The following IL1RAPL1 variants were observed in gnomAD, a reference collection of about 807,000 sequenced individuals.
IL1RAPL1 encodes the protein interleukin 1 receptor accessory protein like 1.
Under a neutral mutation model 48.4 loss-of-function variants are expected in IL1RAPL1, and 3 were observed. That is an observed-to-expected ratio of 0.06 (90% CI 0.03 to 0.16). The LOEUF (loss-of-function observed/expected upper bound fraction) is 0.16. Ranked by LOEUF, IL1RAPL1 falls within the 10% of genes least tolerant of loss-of-function variation. The pLI, the probability that IL1RAPL1 is intolerant of heterozygous loss-of-function variation, is 1.00. For synonymous variants in IL1RAPL1, 185 were observed against 187.7 expected, an observed-to-expected ratio of 0.99 and a Z score of 0.12; for missense variants, 349 against 530.6, an observed-to-expected ratio of 0.66 and a Z score of 3.36.
intron 7 of IL1RAPL1, among the ~76,000 whole-genome samples, chrX:29,918,884 C>T (rs760512539): frequency 2.7e-5 from 3 of 111,655 alleles, no homozygotes; most frequent in Non-Finnish European, 5.6e-5. Flanking sequence ...TATGCAAGAA[C>T]GTTAATAATA....
chrX:28,750,620 T>C (rs1273224323), intron 1 of IL1RAPL1, among the ~76,000 whole-genome samples: 1 of 112,088 alleles, frequency 8.9e-6, no homozygotes, highest in Non-Finnish European at 1.9e-5. Context: ...TGATACTGAA[T>C]GATGGAATGA....
At chrX:28,966,662 C>G (rs1172920608) in intron 2 of IL1RAPL1, among the ~76,000 whole-genome samples, 1 of 111,567 alleles carries the variant, frequency 9.0e-6, no homozygotes, top group Non-Finnish European at 1.9e-5. Context: ...CAAAAGTTAT[C>G]TTTATACAGC....
At chrX:29,675,935 A>G (rs992472522) in intron 6 of IL1RAPL1, among the ~76,000 whole-genome samples, 10 of 112,546 alleles carry the variant, frequency 8.9e-5, no homozygotes, top group African/African-American at 3.2e-4. Flanking sequence ...CAAAATGGCT[A>G]CATGTTTTTT....
chrX:29,505,138 TTTTAGCTACATCCCCCCACAGTTTGA>T (rs1935314286), intron 5 of IL1RAPL1, among the ~76,000 whole-genome samples: 1 of 111,959 alleles, frequency 8.9e-6, no homozygotes, highest in Non-Finnish European at 1.9e-5. Flanking sequence ...AAACTCTACA[TTTTAGCTACATCCCCCCACAGTTTGA>T]CTCTGTTTTC....
intron 2 of IL1RAPL1, among the ~76,000 whole-genome samples, chrX:29,233,454 C>A (rs1402873244): frequency 8.9e-6 from 1 of 111,791 alleles, no homozygotes; most frequent in Admixed American, 9.5e-5. Flanking sequence ...CTTATTTAAT[C>A]TTTCTTTTTT....
At chrX:29,246,150 CTTTT>C (rs761809643) in intron 2 of IL1RAPL1, among the ~76,000 whole-genome samples, 9 of 52,021 alleles carry the variant, frequency 1.7e-4, no homozygotes, top group South Asian at 1.2e-3. Context: ...TCTCATCGCT[CTTTT>C]TTTTTTTTTT....
rs776333429 is a variant in IL1RAPL1, at chrX:29,941,760, C to T, written c.1167C>T (p.Tyr389=). The T allele has an allele frequency of 8.3e-7, 1 of 1,207,368 alleles. No homozygotes were observed. ...ACAAGATAGAAATCATGCTCTTCTA[C>T]AGGAATCATTTTGGAGCTGAAGAGC... ...KCYKIEIMLF[Y]RNHFGAEELD... The change falls in exon 9 of 11, where the codon TAC becomes TAT. Residue 389 remains tyrosine, a synonymous_variant. Coordinates refer to ENST00000378993, the MANE Select transcript of IL1RAPL1 (RefSeq NM_014271.4).
At chrX:29,783,054 G>GCCC (rs1929394658) in intron 6 of IL1RAPL1, among the ~76,000 whole-genome samples, 1 of 106,295 alleles carries the variant, frequency 9.4e-6, no homozygotes, top group Non-Finnish European at 1.9e-5. Flanking sequence ...ACAGGCGCCT[G>GCCC]CCACTACGCC....
At chrX:29,009,705 G>C (rs1926079164) in intron 2 of IL1RAPL1, among the ~76,000 whole-genome samples, 1 of 112,018 alleles carries the variant, frequency 8.9e-6, no homozygotes, top group Non-Finnish European at 1.9e-5. Flanking sequence ...GTCTGGCTTT[G>C]TTCTTTTTCC....
chrX:29,537,032 A>C (rs1353762997), intron 5 of IL1RAPL1, among the ~76,000 whole-genome samples: 1 of 111,082 alleles, frequency 9.0e-6, no homozygotes, highest in Non-Finnish European at 1.9e-5. Flanking sequence ...TGGCATGTAG[A>C]GTACACATAT....
At chrX:29,342,779 G>C (rs182765918) in intron 3 of IL1RAPL1, among the ~76,000 whole-genome samples, 2 of 111,934 alleles carry the variant, frequency 1.8e-5, no homozygotes, top group East Asian at 5.6e-4. Context: ...ATGCTAACAC[G>C]CTACTAAAAA....
intron 1 of IL1RAPL1, among the ~76,000 whole-genome samples, chrX:28,595,518 G>A (rs771965520): frequency 8.9e-6 from 1 of 111,964 alleles, no homozygotes; most frequent in Admixed American, 9.5e-5. Context: ...ACATACTTTT[G>A]TTCAGGCTGA....
intron 2 of IL1RAPL1, among the ~76,000 whole-genome samples, chrX:28,837,693 T>C (rs1488348075): frequency 1.1e-5 from 1 of 94,345 alleles, no homozygotes; most frequent in Non-Finnish European, 2.1e-5. Flanking sequence ...TTTTTTTTTT[T>C]TTTTTTTTTT....
At chrX:28,629,043 T>G (rs1379898502) in intron 1 of IL1RAPL1, among the ~76,000 whole-genome samples, 3 of 111,761 alleles carry the variant, frequency 2.7e-5, no homozygotes, top group Non-Finnish European at 5.6e-5. Context: ...ATATGTATTA[T>G]CATTTTGCAA....
At chrX:28,721,426 C>A (rs1478704548) in intron 1 of IL1RAPL1, among the ~76,000 whole-genome samples, 1 of 111,879 alleles carries the variant, frequency 8.9e-6, no homozygotes, top group Non-Finnish European at 1.9e-5. Flanking sequence ...CCTTCGCCCA[C>A]TTTTTGATGG....
chrX:29,176,761 T>C (rs1930032640), intron 2 of IL1RAPL1, among the ~76,000 whole-genome samples: 1 of 110,738 alleles, frequency 9.0e-6, no homozygotes, highest in Non-Finnish European at 1.9e-5. Context: ...TGAAAATGTG[T>C]CCCCTTTCTG....
chrX:29,335,313 AG>A (rs1373689583), intron 3 of IL1RAPL1, among the ~76,000 whole-genome samples: 2 of 616 alleles, frequency 3.2e-3, no homozygotes, highest in African/African-American at 4.7e-3. Flanking sequence ...GAGAGGGGAG[AG>A]GGGAGAGGGG....
chrX:28,895,265 G>A (rs1377862092), intron 2 of IL1RAPL1, among the ~76,000 whole-genome samples: 2 of 110,648 alleles, frequency 1.8e-5, no homozygotes, highest in Non-Finnish European at 3.8e-5. Context: ...TAAAATGGGG[G>A]AATTGTAAGG....
chrX:29,464,121 C>A (rs1006998681), intron 5 of IL1RAPL1, among the ~76,000 whole-genome samples: 1 of 112,476 alleles, frequency 8.9e-6, no homozygotes, highest in African/African-American at 3.2e-5. Flanking sequence ...AATAGTAAAA[C>A]TACTGTCACT....
Sources: gnomAD v4.1 joint callset for allele counts (sites outside exome capture counted in the v4.1 genomes callset) on GRCh38, gnomAD v4.1.1 for gene constraint, MANE v1.5 for transcripts, NCBI Gene and HGNC (gene_info 2026-07-23, HGNC 2026-07-21) for gene names.